GPC1: variants seen among roughly 807,000 people sequenced by gnomAD.
GPC1 encodes glypican-1.
A neutral mutation model predicts 51.5 loss-of-function variants in GPC1; 26 were observed. That is an observed-to-expected ratio of 0.50 (90% CI 0.37 to 0.70). GPC1 has a LOEUF of 0.70. Ranked by LOEUF, GPC1 falls within the 30% of genes least tolerant of loss-of-function variation. The probability of loss-of-function intolerance (pLI) is 0.00; values close to 1 mark genes in which losing one functional copy is unlikely to be tolerated. For missense variants in GPC1, 775 were observed against 800.5 expected, an observed-to-expected ratio of 0.97 and a Z score of 0.38; for synonymous variants, 380 against 348.3, an observed-to-expected ratio of 1.09 and a Z score of -1.01.
At chr2:240,453,704 C>T (rs2074128292) in intron 1 of GPC1, among the ~76,000 whole-genome samples, 1 of 151,394 alleles carries the variant, frequency 6.6e-6, no homozygotes, top group Admixed American at 6.6e-5. Context: ...CTCGCCGGGC[C>T]GCCGGCGCTG....
At chr2:240,445,119 G>A (rs1449260459) in intron 1 of GPC1, among the ~76,000 whole-genome samples, 8 of 152,148 alleles carry the variant, frequency 5.3e-5, no homozygotes, top group African/African-American at 1.7e-4. Flanking sequence ...CGAGCCTGGC[G>A]GGGGGCTGTA....
rs1383057748 is a variant in GPC1, at chr2:240,465,183, G to A, written c.1241G>A (p.Arg414His). 8 of 1,611,370 alleles carry A rather than the reference G, an allele frequency of 5.0e-6. No individual in the cohort carries two copies. Among genetic ancestry groups the A allele is most frequent in the East Asian group, 2.2e-5 (1 of 44,874 alleles). The change falls in exon 7 of 9, where the codon CGC (arginine) becomes CAC (histidine). Residue 414 changes from arginine (R) to histidine (H), a missense_variant. Arg to His is a conservative substitution (Grantham distance 29, BLOSUM62 0). Transcript: ENST00000264039. ...KMALSTASDD[R>H]CWNGMARGRY... is the part of the protein sequence containing the mutation. ...GCCCTGAGCACTGCCAGTGATGACC[G>A]CTGCTGGAACGGGATGGCCAGAGGC...
At chr2:240,457,726 T>C (rs11680677) in intron 1 of GPC1, among the ~76,000 whole-genome samples, 46,693 of 152,042 alleles carry the variant, frequency 0.31, 7,469 homozygotes, top group Middle Eastern at 0.39. Context: ...GTCCCGGTCC[T>C]GGCTCCCTCT....
chr2:240,463,318 G>A (rs1220379346), intron 3 of GPC1, 29 bp from the exon 4 acceptor site: 7 of 1,606,716 alleles, frequency 4.4e-6, no homozygotes, highest in Admixed American at 1.7e-5. Flanking sequence ...AGGGCCTCGG[G>A]GCCTGGCTTA....
At position 240,462,568 on chromosome 2, in the gene GPC1, C is replaced by A; in HGVS notation, c.703C>A (p.Arg235=). Reference sequence around the variant, plus strand: ...CCTGGGCGTGGCCAGCGACGTGGTCCGGAAAGTGGCTCAGGTGCGCACAGC... The same window carrying A: ...CCTGGGCGTGGCCAGCGACGTGGTCAGGAAAGTGGCTCAGGTGCGCACAGC... ...QGLGVASDVV[R]KVAQVPLGPE... Residue 235 remains arginine, a synonymous_variant, in exon 3 of 9, where the codon CGG becomes AGG. Coordinates refer to ENST00000264039, the MANE Select transcript of GPC1 (RefSeq NM_002081.3). 6.6e-7 allele frequency: 1 copy of A among 1,526,172 alleles called. No individual in the cohort carries two copies. The highest frequency in any genetic ancestry group is 1.2e-5 in the South Asian group (1 of 80,420). The allele number at this position is 1,526,172 out of a possible 1,614,324, so 94.5% of individuals were successfully genotyped here.
chr2:240,453,635 C>T (rs1453695478), intron 1 of GPC1, among the ~76,000 whole-genome samples: 1 of 147,580 alleles, frequency 6.8e-6, no homozygotes, highest in Non-Finnish European at 1.5e-5. Context: ...CCGCCGCAGC[C>T]CCCTCTCCCC....
intron 1 of GPC1, chr2:240,456,109 CG>C (rs548182784): frequency 3.2e-4 from 90 of 282,402 alleles, no homozygotes; most frequent in African/African-American, 2.1e-3. Context: ...GTCGCCGGGC[CG>C]GCTGGGCGAG....
intron 1 of GPC1, among the ~76,000 whole-genome samples, chr2:240,447,279 G>A (rs1003273542): frequency 5.9e-5 from 9 of 152,152 alleles, no homozygotes; most frequent in East Asian, 1.9e-4. Context: ...GCTATGCCCC[G>A]ACACAGAGGC....
chr2:240,445,738 C>G (rs547965382), intron 1 of GPC1, among the ~76,000 whole-genome samples: 2 of 152,152 alleles, frequency 1.3e-5, no homozygotes, highest in South Asian at 2.1e-4. Context: ...TTTTCTTACT[C>G]GGAACGATGG....
In GPC1 at chr2:240,467,216, G is replaced by A. The variant is rs2074270296; in HGVS notation, c.*926G>A. On this transcript the variant is annotated 3_prime_UTR_variant, in exon 9 of 9. Coordinates refer to ENST00000264039, the MANE Select transcript of GPC1 (RefSeq NM_002081.3). ...CCTGTTCACGGTGACACAGGTCAGG[G>A]CTCAGAGTGACCCTCAGCTGTCACC... 6.6e-6 allele frequency: 1 copy of A among 152,330 alleles called. No homozygotes were observed. Among genetic ancestry groups the A allele is most frequent in the Admixed American group, 6.5e-5 (1 of 15,292 alleles). 9.4% of individuals were successfully genotyped at this position (152,330 alleles called of 1,614,324 possible). A position where few individuals can be genotyped will look rare whatever the true frequency, so the allele number is the denominator to read the frequency against.
At chr2:240,449,003 G>C (rs946004806) in intron 1 of GPC1, among the ~76,000 whole-genome samples, 1 of 152,132 alleles carries the variant, frequency 6.6e-6, no homozygotes, top group Admixed American at 6.5e-5. Context: ...ATCTGCCTTA[G>C]GGAGAAGTCT....
chr2:240,436,331 G>GC (rs1441991650), intron 1 of GPC1, among the ~76,000 whole-genome samples: 1 of 152,006 alleles, frequency 6.6e-6, no homozygotes, highest in Non-Finnish European at 1.5e-5. Flanking sequence ...GCCCCTCCCC[G>GC]CCCCCCGCAC....
At chr2:240,446,388 CAG>C (rs1180390437) in intron 1 of GPC1, among the ~76,000 whole-genome samples, 2 of 152,344 alleles carry the variant, frequency 1.3e-5, no homozygotes, top group African/African-American at 4.8e-5. Flanking sequence ...AGCGCAGAGA[CAG>C]GGCACGTATG....
intron 1 of GPC1, 194 bp from the exon 2 acceptor site, chr2:240,458,836 G>T: frequency 1.7e-6 from 1 of 578,968 alleles, no homozygotes; most frequent in South Asian, 2.2e-5. Context: ...GAAGCTACGG[G>T]ACCGAAGCCA....
chr2:240,439,742 C>T (rs1057106988), intron 1 of GPC1, among the ~76,000 whole-genome samples: 2 of 152,204 alleles, frequency 1.3e-5, no homozygotes, highest in African/African-American at 4.8e-5. Flanking sequence ...CTGCCTGGCA[C>T]ACAGCCCCTC....
chr2:240,459,332 C>A, intron 2 of GPC1, 144 bp downstream of exon 2: 1 of 822,404 alleles, frequency 1.2e-6, no homozygotes, highest in South Asian at 1.7e-5. Context: ...GGGGCTAGGG[C>A]GCTGGGTTGA....
Position 240,461,508 on chromosome 2 carries a change from C to T in GPC1, c.326-683C>T, listed in dbSNP as rs377604201. ...CGGGGGCTTTTCCCTAAAGCCCCTG[C>T]AGCACATGTGGAGGTCTGAGGGTGA... On this transcript the variant is annotated intron_variant, in intron 2 of 8. Transcript: ENST00000264039. Among the ~76,000 whole-genome samples the T allele has an allele frequency of 1.2e-4, 19 of 152,258 alleles. No individual in the cohort carries two copies. The South Asian group carries it at 3.9e-3, about 32-fold the overall frequency.
chr2:240,464,986 C>T lies in GPC1; in HGVS notation c.1134+11C>T. The T allele has an allele frequency of 6.4e-7, 1 of 1,559,578 alleles. No individual in the cohort carries two copies. Among genetic ancestry groups the T allele is most frequent in the Non-Finnish European group, 8.7e-7 (1 of 1,152,240 alleles). ...ACGCTGGAGAAGCTGGTGAGTGGCC[C>T]CTGCGTGTCCACTGGACCAGGCATG... On this transcript the variant is annotated intron_variant, in intron 6 of 8. Coordinates refer to ENST00000264039, the MANE Select transcript of GPC1 (RefSeq NM_002081.3).
chr2:240,438,502 C>T (rs1447630003), intron 1 of GPC1, among the ~76,000 whole-genome samples: 1 of 152,154 alleles, frequency 6.6e-6, no homozygotes, highest in Non-Finnish European at 1.5e-5. Context: ...GCCTAGTAGG[C>T]ACCATTCTCA....
Sources: gnomAD v4.1 joint callset for allele counts (sites outside exome capture counted in the v4.1 genomes callset) on GRCh38, gnomAD v4.1.1 for gene constraint, MANE v1.5 for transcripts, NCBI Gene and HGNC (gene_info 2026-07-23, HGNC 2026-07-21) for gene names.